CTNND2: variants seen among roughly 807,000 people sequenced by gnomAD.
CTNND2 encodes the protein catenin delta 2.
A neutral mutation model predicts 144.4 loss-of-function variants in CTNND2; 22 were observed. The ratio of observed to expected loss-of-function variants is 0.15; its 90% CI spans 0.11 to 0.22. The LOEUF (loss-of-function observed/expected upper bound fraction) is 0.22, where lower values mean the gene tolerates loss of function less well. Among genes scored for constraint, CTNND2 ranks in the 10% least tolerant of loss-of-function variants. CTNND2 has a pLI of 1.00. For synonymous variants in CTNND2, 751 were observed against 695.6 expected, an observed-to-expected ratio of 1.08 and a Z score of -1.25; for missense variants, 1,353 against 1,618.8, an observed-to-expected ratio of 0.84 and a Z score of 2.82.
chr5:11,055,190 C>G (rs1272649957), intron 16 of CTNND2, among the ~76,000 whole-genome samples: 5 of 152,204 alleles, frequency 3.3e-5, no homozygotes, highest in Non-Finnish European at 4.4e-5. Context: ...CTGAATGAAC[C>G]AGGCTACCTA....
At chr5:11,495,354 T>C (rs1235224143) in intron 3 of CTNND2, among the ~76,000 whole-genome samples, 2 of 152,148 alleles carry the variant, frequency 1.3e-5, no homozygotes, top group Admixed American at 1.3e-4. Context: ...TGCTGATATT[T>C]ACAGTATTTC....
intron 18 of CTNND2, among the ~76,000 whole-genome samples, chr5:11,016,340 T>C (rs1031278961): frequency 5.3e-5 from 8 of 152,216 alleles, no homozygotes; most frequent in Admixed American, 1.3e-4. Flanking sequence ...TTTATAAAAC[T>C]TCAAGTGCAA....
At chr5:11,548,122 A>G (rs981938867) in intron 3 of CTNND2, among the ~76,000 whole-genome samples, 2 of 152,270 alleles carry the variant, frequency 1.3e-5, no homozygotes, top group Non-Finnish European at 2.9e-5. Flanking sequence ...AGAGTGCAGC[A>G]AAAAGCAAGG....
chr5:11,548,274 A>T (rs1445576631), intron 3 of CTNND2, among the ~76,000 whole-genome samples: 1 of 152,254 alleles, frequency 6.6e-6, no homozygotes, highest in Non-Finnish European at 1.5e-5. Flanking sequence ...AAGCTGTTTG[A>T]CATAGTGGAA....
At chr5:11,603,346 A>C (rs1261454645) in intron 2 of CTNND2, among the ~76,000 whole-genome samples, 1 of 152,168 alleles carries the variant, frequency 6.6e-6, no homozygotes, top group African/African-American at 2.4e-5. Flanking sequence ...AAACACAATT[A>C]GTTTATCCAC....
In CTNND2 at chr5:11,445,993, T is replaced by C. The variant is rs1247532974; in HGVS notation, c.288-33924A>G. On this transcript the variant is annotated intron_variant, in intron 3 of 21. Transcript: ENST00000304623. ...TTTTTGTTTGTTTTTTGTTTTGAGATGGGACTCTCACTCTGTCACCCAGGG... is the reference window on the plus strand; with the variant it reads ...TTTTTGTTTGTTTTTTGTTTTGAGACGGGACTCTCACTCTGTCACCCAGGG... Among the ~76,000 whole-genome samples, 3 of 152,272 alleles carry C rather than the reference T, an allele frequency of 2.0e-5. No homozygotes were observed. In the East Asian group the frequency reaches 5.8e-4, roughly 29 times the overall value.
intron 20 of CTNND2, 148 bp downstream of exon 20, chr5:10,987,963 T>C (rs1738204006): frequency 2.0e-6 from 2 of 981,864 alleles, no homozygotes; most frequent in East Asian, 4.9e-5. Flanking sequence ...GAAATCATCA[T>C]TATCAAGCTC....
At chr5:11,861,619 C>A (rs1795508285) in intron 1 of CTNND2, among the ~76,000 whole-genome samples, 1 of 152,216 alleles carries the variant, frequency 6.6e-6, no homozygotes, top group Non-Finnish European at 1.5e-5. Flanking sequence ...ACCATCCCCA[C>A]CCCACAATTG....
At chr5:11,617,299 C>G (rs532019105) in intron 2 of CTNND2, among the ~76,000 whole-genome samples, 1 of 152,170 alleles carries the variant, frequency 6.6e-6, no homozygotes, top group African/African-American at 2.4e-5. Flanking sequence ...ACTTCTCACC[C>G]CTGGAAGGAA....
chr5:11,472,853 G>T (rs1262103458), intron 3 of CTNND2, among the ~76,000 whole-genome samples: 2 of 152,250 alleles, frequency 1.3e-5, no homozygotes, highest in East Asian at 3.9e-4. Context: ...AAACCAAAAT[G>T]TTTCCTAGTC....
At chr5:11,666,446 C>A (rs1028008544) in intron 2 of CTNND2, among the ~76,000 whole-genome samples, 1 of 152,168 alleles carries the variant, frequency 6.6e-6, no homozygotes, top group Admixed American at 6.6e-5. Flanking sequence ...TTCAGAGAAG[C>A]TTTAAAGAGT....
At chr5:11,196,752 T>C (rs1400610674) in intron 11 of CTNND2, among the ~76,000 whole-genome samples, 1 of 152,212 alleles carries the variant, frequency 6.6e-6, no homozygotes, top group African/African-American at 2.4e-5. Flanking sequence ...TAGCAGCCAG[T>C]GCTGCACACT....
intron 14 of CTNND2, among the ~76,000 whole-genome samples, chr5:11,101,778 G>T (rs1362278657): frequency 6.6e-6 from 1 of 152,128 alleles, no homozygotes; most frequent in African/African-American, 2.4e-5. Flanking sequence ...TCAGGAGAGA[G>T]AATTTTCTAT....
At chr5:11,648,289 G>A (rs1038590396) in intron 2 of CTNND2, among the ~76,000 whole-genome samples, 9 of 151,734 alleles carry the variant, frequency 5.9e-5, no homozygotes, top group African/African-American at 1.9e-4. Context: ...TGGGAATATG[G>A]GCCACCAGAC....
At chr5:11,219,561 G>A (rs1739564036) in intron 10 of CTNND2, among the ~76,000 whole-genome samples, 1 of 152,180 alleles carries the variant, frequency 6.6e-6, no homozygotes. Flanking sequence ...GGACTTTGCT[G>A]CTGTGATTAA....
intron 1 of CTNND2, among the ~76,000 whole-genome samples, chr5:11,897,611 A>G (rs1737498215): frequency 6.6e-6 from 1 of 152,218 alleles, no homozygotes; most frequent in Non-Finnish European, 1.5e-5. Flanking sequence ...AAAGAATAAC[A>G]TGAAAAATAG....
intron 3 of CTNND2, among the ~76,000 whole-genome samples, chr5:11,543,060 G>C (rs1357858815): frequency 6.6e-6 from 1 of 152,200 alleles, no homozygotes; most frequent in Non-Finnish European, 1.5e-5. Flanking sequence ...AGTACTGCAG[G>C]TTAAGTGGAA....
chr5:11,796,554 C>T (rs1791412480), intron 1 of CTNND2, among the ~76,000 whole-genome samples: 1 of 152,154 alleles, frequency 6.6e-6, no homozygotes, highest in Admixed American at 6.5e-5. Context: ...TTATCTCATC[C>T]TTTGTGCTGC....
At chr5:11,283,955 T>C (rs1747453720) in intron 9 of CTNND2, among the ~76,000 whole-genome samples, 1 of 152,188 alleles carries the variant, frequency 6.6e-6, no homozygotes, top group South Asian at 2.1e-4. Context: ...CCTTGTCCAG[T>C]GTGTCTCTAA....
Sources: allele counts gnomAD v4.1 joint callset (sites outside exome capture counted in the v4.1 genomes callset), GRCh38; gene constraint gnomAD v4.1.1; transcripts MANE v1.5; gene names NCBI Gene and HGNC (gene_info 2026-07-23, HGNC 2026-07-21).